MTF1: variants seen among roughly 807,000 people sequenced by gnomAD.
MTF1 encodes the protein metal regulatory transcription factor 1, also known as MRE-binding transcription factor.
MTF1 carries 22 observed loss-of-function variants against 70.4 expected under a neutral mutation model. That is an observed-to-expected ratio of 0.31 (90% CI 0.22 to 0.45). MTF1 has a LOEUF of 0.45. Ranked by LOEUF, MTF1 falls within the 20% of genes least tolerant of loss-of-function variation. MTF1 has a pLI of 1.00. For missense variants in MTF1, 649 were observed against 922.0 expected, an observed-to-expected ratio of 0.70 and a Z score of 3.83; for synonymous variants, 333 against 352.8, an observed-to-expected ratio of 0.94 and a Z score of 0.63.
rs1159515134 is a variant in MTF1 at position 37,822,609 on chromosome 1, G to C, written c.1279C>G (p.Leu427Val). 1.9e-6 allele frequency: 3 copies of C among 1,613,830 alleles called. No homozygotes were observed. The highest frequency in any genetic ancestry group is 1.3e-5 in the African/African-American group (1 of 74,882). ...LSLPLVLQPG[L>V]SEPPQPLLPA... The stretch of plus-strand genomic sequence containing the variant: ...AGTAGAGGCTGGGGTGGCTCGGAGA[G>C]GCCAGGTTGCAGTACAAGTGGAAGA... The change falls in exon 9 of 11, where the codon CTC becomes GTC. Residue 427 changes from leucine to valine, a missense_variant. Physicochemically the swap from Leu to Val is conservative, Grantham distance 32. This residue lies in a region of MTF1 where 267 missense variants were observed against 292.1 expected (regional missense o/e 0.91). Transcript: ENST00000373036.
intron 2 of MTF1, chr1:37,841,287 C>A: frequency 6.5e-6 from 1 of 154,432 alleles, no homozygotes; most frequent in South Asian, 1.8e-4. Flanking sequence ...TCCACTGTTC[C>A]TGTTTGGAGA....
chr1:37,829,209 A>G (rs1458344499), intron 7 of MTF1, among the ~76,000 whole-genome samples: 2 of 151,686 alleles, frequency 1.3e-5, no homozygotes, highest in African/African-American at 2.4e-5. Flanking sequence ...GGCTCAAACA[A>G]TCCTTTTGCC....
Position 37,850,570 on chromosome 1 carries a change from G to C in MTF1, c.408+6681C>G, listed in dbSNP as rs542517788. On this transcript the variant is annotated intron_variant, in intron 2 of 10. Transcript: ENST00000373036. Reference sequence around the variant, plus strand: ...GAGAAAAAAAAGGGAGAGAGAAAGAGAGAGAGAGAGAGAGAGAGATCTCAA... The same window carrying C: ...GAGAAAAAAAAGGGAGAGAGAAAGACAGAGAGAGAGAGAGAGAGATCTCAA... Among the ~76,000 whole-genome samples, 12 of 150,270 alleles carry C rather than the reference G, an allele frequency of 8.0e-5. No individual in the cohort carries two copies. The South Asian group carries it at 8.3e-4, about 10-fold the overall frequency.
chr1:37,835,632 G>A (rs1328755125), intron 5 of MTF1, 39 bp downstream of exon 5: 1 of 1,501,916 alleles, frequency 6.7e-7, no homozygotes, highest in African/African-American at 1.4e-5. Flanking sequence ...AAAATTGATA[G>A]TTACAGGCTT....
rs1641241624 is a variant in MTF1 at position 37,840,658 on chromosome 1, C to G, written c.409-500G>C. Among the ~76,000 whole-genome samples, 1 of 152,098 alleles carries G rather than the reference C, an allele frequency of 6.6e-6. No individual in the cohort carries two copies. The highest frequency in any genetic ancestry group is 6.6e-5 in the Admixed American group (1 of 15,266). On this transcript the variant is annotated intron_variant, in intron 2 of 10. Transcript: ENST00000373036. The surrounding 1 kb of genome is among the most constrained non-coding windows in gnomAD (Gnocchi z 4.5). ...TATTTTCAAGCCTACAAAATGACAA[C>G]AACATATTGCAAATTTCTTGGAAGA...
chr1:37,819,410 G>A (rs925041631), intron 9 of MTF1, among the ~76,000 whole-genome samples: 1 of 152,010 alleles, frequency 6.6e-6, no homozygotes, highest in African/African-American at 2.4e-5. Flanking sequence ...ATCACCTGAG[G>A]TCAGGAGTTC....
rs545909547 is a variant in MTF1 at position 37,812,103 on chromosome 1, G to T, written c.*3033C>A. ...GGAGCTAGAAGATAACGTACAGGGTGAAAATGGTTAAGTTTACTATGGGAG... is the reference window on the plus strand; with the variant it reads ...GGAGCTAGAAGATAACGTACAGGGTTAAAATGGTTAAGTTTACTATGGGAG... On this transcript the variant is annotated 3_prime_UTR_variant, in exon 11 of 11. Transcript: ENST00000373036. 3.3e-5 allele frequency: 5 copies of T among 152,764 alleles called. No individual in the cohort carries two copies. The South Asian group carries it at 1.0e-3, about 32-fold the overall frequency. 9.5% of individuals were successfully genotyped at this position (152,764 alleles called of 1,614,324 possible). A position where few individuals can be genotyped will look rare whatever the true frequency, so the allele number is the denominator to read the frequency against.
At chr1:37,849,909 A>G (rs529698997) in intron 2 of MTF1, among the ~76,000 whole-genome samples, 2 of 152,296 alleles carry the variant, frequency 1.3e-5, no homozygotes, top group South Asian at 4.1e-4. Flanking sequence ...AAACAAACAA[A>G]CAAACAACAA....
At chr1:37,855,583 A>C (rs1434152097) in intron 2 of MTF1, among the ~76,000 whole-genome samples, 1 of 152,178 alleles carries the variant, frequency 6.6e-6, no homozygotes, top group Non-Finnish European at 1.5e-5. Flanking sequence ...TAAATCATTC[A>C]CCCTATTTCT....
intron 7 of MTF1, among the ~76,000 whole-genome samples, chr1:37,824,526 C>T (rs759989114): frequency 4.6e-5 from 7 of 152,030 alleles, no homozygotes; most frequent in African/African-American, 1.5e-4. Flanking sequence ...GGTAAAACCC[C>T]GTTTCTACTA....
At chr1:37,855,755 G>A (rs538106723) in intron 2 of MTF1, among the ~76,000 whole-genome samples, 82 of 152,148 alleles carry the variant, frequency 5.4e-4, no homozygotes, top group African/African-American at 1.9e-3. Flanking sequence ...TCAAGAGTTC[G>A]AGACCAGCCT....
chr1:37,828,394 G>A (rs962973618), intron 7 of MTF1, among the ~76,000 whole-genome samples: 5 of 152,078 alleles, frequency 3.3e-5, no homozygotes, highest in African/African-American at 4.8e-5. Flanking sequence ...AACCTCTGCC[G>A]CCACGGTTCA....
chr1:37,819,396 G>A (rs1557586076), intron 9 of MTF1, among the ~76,000 whole-genome samples: 1 of 152,152 alleles, frequency 6.6e-6, no homozygotes, highest in Non-Finnish European at 1.5e-5. Flanking sequence ...GCCAAAGCGG[G>A]CGGATCACCT....
Position 37,830,667 on chromosome 1 carries a change from A to G in MTF1, c.1068+1578T>C, listed in dbSNP as rs147051497. Among the ~76,000 whole-genome samples the G allele has an allele frequency of 3.3e-5, 5 of 152,330 alleles. No individual in the cohort carries two copies. In the East Asian group the frequency reaches 9.6e-4, roughly 29 times the overall value. ...ATTTGGGATTGCTCTGAACACTACA[A>G]ATGATATATTTTAGAGACTCTGGAC... is the stretch of plus-strand genomic sequence containing the variant. On this transcript the variant is annotated intron_variant, in intron 7 of 10. Coordinates refer to ENST00000373036, the MANE Select transcript of MTF1 (RefSeq NM_005955.3).
chr1:37,832,211 A>G (rs1208837068), intron 7 of MTF1, 34 bp downstream of exon 7: 1 of 1,453,078 alleles, frequency 6.9e-7, no homozygotes, highest in Non-Finnish European at 9.6e-7. Flanking sequence ...TCTTGCCCTT[A>G]TTTTTCTAGC....
chr1:37,825,014 A>G (rs2148404227), intron 7 of MTF1, among the ~76,000 whole-genome samples: 1 of 152,252 alleles, frequency 6.6e-6, no homozygotes, highest in African/African-American at 2.4e-5. Flanking sequence ...TCTTCTATCC[A>G]TGGTCAACCT....
rs934861409 is a variant in MTF1 at position 37,839,846 on chromosome 1, G to C, written c.647+74C>G. The C allele has an allele frequency of 7.4e-6, 9 of 1,218,462 alleles. No homozygotes were observed. The African/African-American group carries it at 1.2e-4, about 16-fold the overall frequency. The allele number at this position is 1,218,462 out of a possible 1,614,324, so 75.5% of individuals were successfully genotyped here. A position where few individuals can be genotyped will look rare whatever the true frequency, so the allele number is the denominator to read the frequency against. On this transcript the variant is annotated intron_variant, in intron 3 of 10. Coordinates refer to ENST00000373036, the MANE Select transcript of MTF1 (RefSeq NM_005955.3). ...CCCTGAAAGTGAAAACAACTCCTCTGCAAGGGGAAAGAGCTCTGCCATCAC... is the reference window on the plus strand; with the variant it reads ...CCCTGAAAGTGAAAACAACTCCTCTCCAAGGGGAAAGAGCTCTGCCATCAC...
Position 37,811,023 on chromosome 1 carries a change from C to T in MTF1, c.*4113G>A, listed in dbSNP as rs564060189. On this transcript the variant is annotated 3_prime_UTR_variant, in exon 11 of 11. Coordinates refer to ENST00000373036, the MANE Select transcript of MTF1 (RefSeq NM_005955.3). ...TTGCAGTTCCACAAATCAATGGTTT[C>T]AATCACTCTGGAAAAGTCTTTAAGG... The T allele has an allele frequency of 6.5e-6, 1 of 152,716 alleles. No individual in the cohort carries two copies. The highest frequency in any genetic ancestry group is 1.9e-4 in the East Asian group (1 of 5,192). 9.5% of individuals were successfully genotyped at this position (152,716 alleles called of 1,614,324 possible). A position where few individuals can be genotyped will look rare whatever the true frequency, so the allele number is the denominator to read the frequency against.
At position 37,847,059 on chromosome 1, in the gene MTF1, A is replaced by C. The variant is rs943084023; in HGVS notation, c.409-6901T>G. On this transcript the variant is annotated intron_variant, in intron 2 of 10. Coordinates refer to ENST00000373036, the MANE Select transcript of MTF1 (RefSeq NM_005955.3). Reference sequence around the variant, plus strand: ...ATTTCTTCTCCATAATGGACAACCAAAAAGCTCAGAAATATAAGAACCCTG... The same window carrying C: ...ATTTCTTCTCCATAATGGACAACCACAAAGCTCAGAAATATAAGAACCCTG... Among the ~76,000 whole-genome samples the C allele has an allele frequency of 4.6e-5, 7 of 152,170 alleles. No homozygotes were observed. In the South Asian group the frequency reaches 1.5e-3, roughly 32 times the overall value.
Sources: gnomAD v4.1 joint callset for allele counts (sites outside exome capture counted in the v4.1 genomes callset) on GRCh38, gnomAD v4.1.1 for gene constraint, gnomAD v4.1.1 regional missense constraint, Gnocchi (gnomAD v3.1) non-coding constraint, MANE v1.5 for transcripts, NCBI Gene and HGNC (gene_info 2026-07-23, HGNC 2026-07-21) for gene names.